The following TRIM23 variants were observed in gnomAD, a reference collection of about 807,000 sequenced individuals.
The protein encoded by TRIM23 is tripartite motif containing 23, also known as E3 ubiquitin-protein ligase TRIM23.
Under a neutral mutation model 71.0 loss-of-function variants are expected in TRIM23, and 27 were observed. The observed-to-expected ratio is 0.38, with a 90% CI of 0.28 to 0.52. The LOEUF is 0.52. Among genes scored for constraint, TRIM23 ranks in the 20% least tolerant of loss-of-function variants. The probability of loss-of-function intolerance (pLI) is 0.84; values close to 1 mark genes in which losing one functional copy is unlikely to be tolerated. For synonymous variants in TRIM23, 234 were observed against 238.0 expected (o/e 0.98, Z 0.16); for missense variants, 482 against 692.3 (o/e 0.70, Z 3.41).
In TRIM23 at chr5:65,591,645, T is replaced by TCATATATATATATA; in HGVS notation, c.*123_*124insTATATATATATATG. 2 of 714,510 alleles carry TCATATATATATATA rather than the reference T, an allele frequency of 2.8e-6. No homozygotes were observed. The highest frequency in any genetic ancestry group is 2.2e-5 in the African/African-American group (1 of 44,686). 44.3% of individuals were successfully genotyped at this position (714,510 alleles called of 1,614,324 possible). A position where few individuals can be genotyped will look rare whatever the true frequency, so the allele number is the denominator to read the frequency against. On this transcript the variant is annotated 3_prime_UTR_variant, in exon 11 of 11. Transcript: ENST00000231524. ...ACTGAATTCCCAATCCAAGATTCCT[T>TCATATATATATATA]TATATATATATATATATATATGCAT... is the stretch of plus-strand genomic sequence containing the variant.
intron 1 of TRIM23, 73 bp from the exon 2 acceptor site, chr5:65,618,328 A>C: frequency 7.1e-7 from 1 of 1,404,964 alleles, no homozygotes; most frequent in African/African-American, 1.5e-5. Flanking sequence ...ATATAAGAAA[A>C]TTCACCTAAT....
chr5:65,609,933 A>C (rs1045212201), intron 5 of TRIM23, among the ~76,000 whole-genome samples: 5 of 152,124 alleles, frequency 3.3e-5, no homozygotes, highest in Non-Finnish European at 7.3e-5. Context: ...AAGCAAAAAC[A>C]ACCGGAGTCA....
chr5:65,591,656 T>C lies in TRIM23; in HGVS notation c.*113A>G, dbSNP rs574915364. ...AATCCAAGATTCCTTTATATATATA[T>C]ATATATATATGCATCCTAAATTACC... is the stretch of plus-strand genomic sequence containing the variant. On this transcript the variant is annotated 3_prime_UTR_variant, in exon 11 of 11. Transcript: ENST00000231524. 4.2e-6 allele frequency: 4 copies of C among 944,890 alleles called. No homozygotes were observed. In the African/African-American group the frequency reaches 5.4e-5, roughly 13 times the overall value. The allele number at this position is 944,890 out of a possible 1,614,324, so 58.5% of individuals were successfully genotyped here. A position where few individuals can be genotyped will look rare whatever the true frequency, so the allele number is the denominator to read the frequency against.
intron 7 of TRIM23, among the ~76,000 whole-genome samples, chr5:65,599,397 G>C (rs1302104069): frequency 1.3e-5 from 2 of 152,160 alleles, no homozygotes; most frequent in African/African-American, 2.4e-5. Flanking sequence ...AAAAGTTTAA[G>C]ATACTTAGGA....
rs766536973 is a variant in TRIM23, at chr5:65,591,543, A to G, written c.*226T>C. On this transcript the variant is annotated 3_prime_UTR_variant, in exon 11 of 11. Transcript: ENST00000231524. ...TACTTTTTAAAAGAATGTATATTCA[A>G]TAAGTTTCTATTTAATTCAATCTAA... 1.8e-5 allele frequency: 27 copies of G among 1,466,890 alleles called. No individual in the cohort carries two copies. The East Asian group carries it at 4.7e-4, about 26-fold the overall frequency. The allele number at this position is 1,466,890 out of a possible 1,614,324, so 90.9% of individuals were successfully genotyped here.
Position 65,609,416 on chromosome 5 carries a change from A to C in TRIM23, c.871T>G (p.Tyr291Asp). The change falls in exon 6 of 11, where the codon TAT (tyrosine) becomes GAT (aspartate). Residue 291 changes from tyrosine (Y) to aspartate (D), a missense_variant. Transcript: ENST00000231524. ...AGAGTTTCATGTAGATCATAAAAAT[A>C]AGCTCGAATACATGACCGGGCATTC... ...AENARSCIRA[Y>D]FYDLHETLCR... The C allele has an allele frequency of 1.2e-6, 2 of 1,614,162 alleles. No homozygotes were observed. Among genetic ancestry groups the C allele is most frequent in the Non-Finnish European group, 1.7e-6 (2 of 1,180,022 alleles).
Position 65,611,729 on chromosome 5 carries a change from A to AT in TRIM23, c.518dup (p.His173GlnfsTer2). On this transcript the variant is annotated frameshift_variant, in exon 4 of 11. Transcript: ENST00000231524. LOFTEE classifies it high-confidence loss of function. ...GGTGCTGAGAGCACATAGTTTTCTC[A>AT]TGAGGTTTATCAGCTAGAGGAACTC... 2 of 1,614,198 alleles carry AT rather than the reference A, an allele frequency of 1.2e-6. No individual in the cohort carries two copies. The highest frequency in any genetic ancestry group is 1.7e-6 in the Non-Finnish European group (2 of 1,180,028).
intron 2 of TRIM23, among the ~76,000 whole-genome samples, chr5:65,614,906 C>CT (rs987159398): frequency 4.6e-5 from 7 of 151,278 alleles, no homozygotes; most frequent in Non-Finnish European, 1.0e-4. Context: ...ATCTCTTTTA[C>CT]TTTTTTTTTG....
chr5:65,590,162 G>C lies in TRIM23; in HGVS notation c.*1607C>G. On this transcript the variant is annotated 3_prime_UTR_variant, in exon 11 of 11. Transcript: ENST00000231524. ...GTTACACTTTTTCTTCAATTAACTA[G>C]TAAACAGTTCAAGTTCTCACAAGCA... 1 of 589,820 alleles carries C rather than the reference G, an allele frequency of 1.7e-6. No homozygotes were observed. The highest frequency in any genetic ancestry group is 2.9e-6 in the Non-Finnish European group (1 of 340,432). 36.5% of individuals were successfully genotyped at this position (589,820 alleles called of 1,614,324 possible). A position where few individuals can be genotyped will look rare whatever the true frequency, so the allele number is the denominator to read the frequency against.
rs553958697 is a variant in TRIM23, at chr5:65,623,932, C to A, written c.81+262G>T. ...AAAAGCAGAGGACCTGGAGAAAAGA[C>A]CGGTCTAGGTCACTGCCACTGGCCC... On this transcript the variant is annotated intron_variant, in intron 1 of 10. Coordinates refer to ENST00000231524, the MANE Select transcript of TRIM23 (RefSeq NM_001656.4). Among the ~76,000 whole-genome samples, 7 of 152,350 alleles carry A rather than the reference C, an allele frequency of 4.6e-5. No individual in the cohort carries two copies. In the East Asian group the frequency reaches 1.3e-3, roughly 29 times the overall value.
intron 10 of TRIM23, among the ~76,000 whole-genome samples, chr5:65,594,273 T>G (rs927188158): frequency 3.9e-5 from 6 of 152,228 alleles, no homozygotes; most frequent in African/African-American, 1.4e-4. Flanking sequence ...CTTATCAGTC[T>G]TCTTCGTATT....
chr5:65,602,992 G>T lies in TRIM23; in HGVS notation c.1179+1919C>A, dbSNP rs576259770. ...AATATTATTCAGCTTTAAAATGGAA[G>T]AAAATCCTTTCACATGCTACAATAT... On this transcript the variant is annotated intron_variant, in intron 7 of 10. Coordinates refer to ENST00000231524, the MANE Select transcript of TRIM23 (RefSeq NM_001656.4). Among the ~76,000 whole-genome samples the T allele has an allele frequency of 2.0e-5, 3 of 152,208 alleles. No homozygotes were observed. The East Asian group carries it at 5.8e-4, about 29-fold the overall frequency.
chr5:65,621,854 G>T (rs1166200654), intron 1 of TRIM23, among the ~76,000 whole-genome samples: 1 of 151,450 alleles, frequency 6.6e-6, no homozygotes, highest in Non-Finnish European at 1.5e-5. Flanking sequence ...TTGAGAAAGG[G>T]TCTCACTCTG....
chr5:65,620,508 T>C (rs1265697284), intron 1 of TRIM23, among the ~76,000 whole-genome samples: 1 of 152,188 alleles, frequency 6.6e-6, no homozygotes, highest in East Asian at 1.9e-4. Context: ...ATACACAGAA[T>C]GATTTCATAT....
In TRIM23 at chr5:65,594,466, C is replaced by T. The variant is rs117657991; in HGVS notation, c.1545+55G>A. 4,134 of 1,551,708 alleles carry T rather than the reference C, an allele frequency of 2.7e-3. 62 individuals carry two copies. Among genetic ancestry groups the T allele is most frequent in the East Asian group, 0.023 (1,004 of 43,598 alleles). ...TGTCTTCTGAAATATTTCCAGTTGC[C>T]TTTTGACATGCACAAAACTACTAAA... On this transcript the variant is annotated intron_variant, in intron 10 of 10. Transcript: ENST00000231524.
chr5:65,591,397 G>T lies in TRIM23; in HGVS notation c.*372C>A. ...CTTGCTTCACACAGAGGTCTCATTA[G>T]GCACTCAATTGGCTATTCTTTTTTC... On this transcript the variant is annotated 3_prime_UTR_variant, in exon 11 of 11. Transcript: ENST00000231524. 6.4e-7 allele frequency: 1 copy of T among 1,568,340 alleles called. No individual in the cohort carries two copies. Among genetic ancestry groups the T allele is most frequent in the South Asian group, 1.2e-5 (1 of 82,954 alleles).
intron 1 of TRIM23, among the ~76,000 whole-genome samples, chr5:65,618,570 T>C (rs538368078): frequency 4.0e-4 from 61 of 152,354 alleles, no homozygotes; most frequent in Non-Finnish European, 5.7e-4. Context: ...ACAAACAATA[T>C]GTAATTCTAC....
At chr5:65,600,292 CTA>C (rs1428806002) in intron 7 of TRIM23, among the ~76,000 whole-genome samples, 1 of 152,112 alleles carries the variant, frequency 6.6e-6, no homozygotes, top group African/African-American at 2.4e-5. Context: ...ATAATGAAAA[CTA>C]TGTGGTACTG....
intron 10 of TRIM23, among the ~76,000 whole-genome samples, chr5:65,592,401 A>G (rs1396598217): frequency 6.6e-6 from 1 of 151,948 alleles, no homozygotes; most frequent in Non-Finnish European, 1.5e-5. Context: ...ATTTTTTTGT[A>G]TTTTTAGTAG....
Sources: gnomAD v4.1 joint callset for allele counts (sites outside exome capture counted in the v4.1 genomes callset) on GRCh38, gnomAD v4.1.1 for gene constraint, MANE v1.5 for transcripts, NCBI Gene and HGNC (gene_info 2026-07-23, HGNC 2026-07-21) for gene names.